Variants in MAMDC2 observed in about 807,000 individuals in gnomAD.
The protein encoded by MAMDC2 is MAM domain containing 2.
Under a neutral mutation model 89.8 loss-of-function variants are expected in MAMDC2, and 57 were observed. That is an observed-to-expected ratio of 0.63 (90% confidence interval 0.51 to 0.79). MAMDC2 has a LOEUF of 0.79. Among genes scored for constraint, MAMDC2 ranks in the 30% least tolerant of loss-of-function variants. The pLI is 0.00. For missense variants in MAMDC2, 800 were observed against 820.6 expected (o/e 0.97, Z 0.31); for synonymous variants, 313 against 293.4 (o/e 1.07, Z -0.68).
chr9:70,099,061 T>C (rs1405137734), intron 2 of MAMDC2, among the ~76,000 whole-genome samples: 2 of 152,148 alleles, frequency 1.3e-5, no homozygotes, highest in African/African-American at 4.8e-5. Flanking sequence ...AATAGTAAAA[T>C]TGGAAACTTC....
intron 12 of MAMDC2, among the ~76,000 whole-genome samples, chr9:70,220,340 T>C (rs1318828146): frequency 6.6e-6 from 1 of 152,172 alleles, no homozygotes; most frequent in Non-Finnish European, 1.5e-5. Context: ...CTTCAAATGA[T>C]GCAGAATCGC....
chr9:70,218,054 G>C (rs1334844287), intron 11 of MAMDC2, among the ~76,000 whole-genome samples: 1 of 152,140 alleles, frequency 6.6e-6, no homozygotes, highest in East Asian at 1.9e-4. Context: ...TATAAATTCT[G>C]ATGTGTTAAT....
intron 2 of MAMDC2, among the ~76,000 whole-genome samples, chr9:70,053,898 G>A (rs1826969106): frequency 1.3e-5 from 2 of 152,244 alleles, no homozygotes; most frequent in East Asian, 3.9e-4. Context: ...GGGCAGGGGT[G>A]TTAGGTGTGA....
chr9:70,192,985 G>A (rs2032912461), intron 11 of MAMDC2, among the ~76,000 whole-genome samples: 1 of 152,034 alleles, frequency 6.6e-6, no homozygotes, highest in African/African-American at 2.4e-5. Flanking sequence ...TGGAGGATGA[G>A]GACCCTTACA....
intron 9 of MAMDC2, among the ~76,000 whole-genome samples, chr9:70,151,554 A>G (rs933558331): frequency 6.6e-6 from 1 of 152,184 alleles, no homozygotes; most frequent in Non-Finnish European, 1.5e-5. Flanking sequence ...AGGGTTGGGA[A>G]GTGGCAGAGC....
rs1222256083 is a variant in MAMDC2, at chr9:70,204,656, T to G, written c.1652-13681T>G. On this transcript the variant is annotated intron_variant, in intron 11 of 13. Transcript: ENST00000377182. ...AATGGCGGGCGCCCCTCCCCCAGCC[T>G]CGCTGGCGCCTTGCAGTTTGATCTC... Among the ~76,000 whole-genome samples the G allele has an allele frequency of 3.9e-3, 592 of 151,674 alleles. 3 individuals carry two copies. The highest frequency in any genetic ancestry group is 0.013 in the African/African-American group (550 of 41,460).
chr9:70,211,871 G>T (rs2033360907), intron 11 of MAMDC2, among the ~76,000 whole-genome samples: 1 of 152,224 alleles, frequency 6.6e-6, no homozygotes, highest in South Asian at 2.1e-4. Flanking sequence ...CTGCAGGTCT[G>T]TTGGAGTTTG....
intron 11 of MAMDC2, among the ~76,000 whole-genome samples, chr9:70,209,247 A>G (rs966378857): frequency 1.3e-4 from 20 of 152,128 alleles, no homozygotes; most frequent in African/African-American, 4.8e-4. Context: ...TCGGCTGTGA[A>G]TCCATCTGGT....
At chr9:70,126,115 C>T (rs201767775) in intron 5 of MAMDC2, 44 bp from the exon 6 acceptor site, 3 of 1,541,604 alleles carry the variant, frequency 1.9e-6, no homozygotes, top group African/African-American at 2.7e-5. Flanking sequence ...TCCCCTCCCC[C>T]ACCCCCAACT....
intron 1 of MAMDC2, 113 bp from the exon 2 acceptor site, chr9:70,044,471 C>T: frequency 1.1e-6 from 1 of 926,344 alleles, no homozygotes; most frequent in Non-Finnish European, 1.7e-6. Flanking sequence ...CCTCTCCCGC[C>T]CCCTCCCGCT....
chr9:70,076,658 G>A (rs1827540873), intron 2 of MAMDC2, among the ~76,000 whole-genome samples: 1 of 152,164 alleles, frequency 6.6e-6, no homozygotes, highest in Admixed American at 6.5e-5. Context: ...TTTTTTTAAA[G>A]TGTTTTGGAG....
At chr9:70,168,664 G>A (rs374264424) in intron 9 of MAMDC2, 38 bp from the exon 10 acceptor site, 12 of 1,564,502 alleles carry the variant, frequency 7.7e-6, no homozygotes, top group African/African-American at 1.4e-5. Context: ...CCAGTTTTCA[G>A]TTAACAGAAT....
At chr9:70,178,178 A>G (rs1020388243) in intron 11 of MAMDC2, among the ~76,000 whole-genome samples, 1 of 152,200 alleles carries the variant, frequency 6.6e-6, no homozygotes, top group Admixed American at 6.5e-5. Flanking sequence ...TTGTGCTGCT[A>G]TAACAGAATG....
chr9:70,108,003 G>A (rs570645555), intron 2 of MAMDC2, among the ~76,000 whole-genome samples: 2 of 152,306 alleles, frequency 1.3e-5, no homozygotes, highest in Non-Finnish European at 2.9e-5. Context: ...CTCAGCTCCA[G>A]CCTGTTGTCA....
intron 8 of MAMDC2, among the ~76,000 whole-genome samples, 167 bp downstream of exon 8, chr9:70,140,455 C>G (rs1587507120): frequency 1.3e-5 from 2 of 152,286 alleles, no homozygotes; most frequent in East Asian, 3.9e-4. Flanking sequence ...AATTGGAATT[C>G]AAGTTGCCGT....
At chr9:70,169,552 C>T (rs2032271237) in intron 10 of MAMDC2, 1 of 152,106 alleles carries the variant, frequency 6.6e-6, no homozygotes, top group Non-Finnish European at 1.5e-5. Flanking sequence ...AAAATCGTTC[C>T]ACTCAAGGCA....
At chr9:70,110,977 T>C (rs1410994590) in intron 4 of MAMDC2, among the ~76,000 whole-genome samples, 1 of 152,206 alleles carries the variant, frequency 6.6e-6, no homozygotes, top group East Asian at 1.9e-4. Context: ...AAAAAAGCCT[T>C]TGCTAATTCC....
At chr9:70,049,678 C>A (rs987077234) in intron 2 of MAMDC2, among the ~76,000 whole-genome samples, 1 of 152,158 alleles carries the variant, frequency 6.6e-6, no homozygotes. Context: ...GGCTGGAAAT[C>A]GGCACAAGTC....
chr9:70,161,802 A>C (rs2031983369), intron 9 of MAMDC2, among the ~76,000 whole-genome samples: 1 of 152,212 alleles, frequency 6.6e-6, no homozygotes, highest in Non-Finnish European at 1.5e-5. Flanking sequence ...CTGGAATTTC[A>C]CTGACTGGAT....
Sources: gnomAD v4.1 joint callset for allele counts (sites outside exome capture counted in the v4.1 genomes callset) on GRCh38, gnomAD v4.1.1 for gene constraint, MANE v1.5 for transcripts, NCBI Gene and HGNC (gene_info 2026-07-23, HGNC 2026-07-21) for gene names.